Variants in DCT observed in about 807,000 individuals in gnomAD.
DCT encodes the protein L-dopachrome tautomerase.
A neutral mutation model predicts 53.0 loss-of-function variants in DCT; 47 were observed. The ratio of observed to expected loss-of-function variants is 0.89; its 90% CI spans 0.70 to 1.13. The LOEUF (loss-of-function observed/expected upper bound fraction) is 1.13, where lower values mean the gene tolerates loss of function less well. Ranked by LOEUF, DCT falls within the 50% of genes most tolerant of loss-of-function variation. The probability of loss-of-function intolerance (pLI) is 0.00; values close to 1 mark genes in which losing one functional copy is unlikely to be tolerated. For missense variants in DCT, 669 were observed against 637.4 expected (o/e 1.05, Z -0.53); for synonymous variants, 244 against 237.0 (o/e 1.03, Z -0.27).
the DCT span, among the ~76,000 whole-genome samples, chr13:94,539,521 G>A: frequency 1.4e-3 from 208 of 152,156 alleles, no homozygotes; most frequent in Admixed American, 4.0e-3. Flanking sequence ...CTAAACCTGC[G>A]CAACAAATCA....
chr13:94,481,271 C>G (rs896072156), upstream of DCT, among the ~76,000 whole-genome samples: 4 of 152,224 alleles, frequency 2.6e-5, no homozygotes, highest in Non-Finnish European at 4.4e-5. Flanking sequence ...CAGACAAAGT[C>G]ACATTCACAG....
chr13:94,484,163 T>C (rs1885564569), upstream of DCT, among the ~76,000 whole-genome samples: 1 of 152,128 alleles, frequency 6.6e-6, no homozygotes. Flanking sequence ...CATCTTTTCA[T>C]TCTTTTCATT....
chr13:94,545,175 C>T, the DCT span, among the ~76,000 whole-genome samples: 7 of 151,956 alleles, frequency 4.6e-5, no homozygotes, highest in Non-Finnish European at 7.4e-5. Context: ...GAGCACATCA[C>T]GCTTCAGATG....
intron 3 of DCT, among the ~76,000 whole-genome samples, 157 bp downstream of exon 3, chr13:94,466,401 T>C (rs1206231561): frequency 2.6e-5 from 4 of 152,104 alleles, no homozygotes; most frequent in African/African-American, 9.7e-5. Context: ...GAGATATCTC[T>C]ATGTGATGCT....
chr13:94,548,001 A>ATATATC, the DCT span, among the ~76,000 whole-genome samples: 2 of 135,646 alleles, frequency 1.5e-5, no homozygotes, highest in African/African-American at 5.8e-5. Flanking sequence ...ATATATATAT[A>ATATATC]TATCTTCTCT....
chr13:94,533,985 G>T, the DCT span, among the ~76,000 whole-genome samples: 1 of 152,024 alleles, frequency 6.6e-6, no homozygotes, highest in Admixed American at 6.6e-5. Context: ...TTTGAGTGTA[G>T]GTTGACTGAC....
At chr13:94,457,229 T>C (rs7327109) in intron 6 of DCT, among the ~76,000 whole-genome samples, 122,146 of 152,274 alleles carry the variant, frequency 0.8, 50,428 homozygotes, top group African/African-American at 0.92. Context: ...CCCCAAAATC[T>C]GTGTGTTGAA....
the DCT span, among the ~76,000 whole-genome samples, chr13:94,502,500 A>C: frequency 0.45 from 68,412 of 151,776 alleles, 16,739 homozygotes; most frequent in African/African-American, 0.63. Context: ...TTTCCATTTA[A>C]TCCTTAACTA....
chr13:94,493,174 T>C, the DCT span, among the ~76,000 whole-genome samples: 2 of 152,190 alleles, frequency 1.3e-5, no homozygotes, highest in African/African-American at 4.8e-5. Flanking sequence ...AGATGGTTTT[T>C]GATATTAGGG....
At chr13:94,508,749 T>C in the DCT span, among the ~76,000 whole-genome samples, 1 of 152,154 alleles carries the variant, frequency 6.6e-6, no homozygotes, top group South Asian at 2.1e-4. Flanking sequence ...CACAGACACA[T>C]TTTAGCTCAT....
chr13:94,510,836 G>T, the DCT span, among the ~76,000 whole-genome samples: 1 of 152,092 alleles, frequency 6.6e-6, no homozygotes, highest in Non-Finnish European at 1.5e-5. Context: ...TCCTCTCCTG[G>T]TGCTGCCTGT....
intron 6 of DCT, among the ~76,000 whole-genome samples, chr13:94,453,750 AC>A (rs1235900848): frequency 7.2e-5 from 11 of 152,180 alleles, no homozygotes; most frequent in African/African-American, 2.7e-4. Context: ...GTTTTCCTGC[AC>A]AAGTTCTCTC....
the DCT span, among the ~76,000 whole-genome samples, chr13:94,511,340 A>G: frequency 1.4e-5 from 2 of 146,062 alleles, no homozygotes; most frequent in African/African-American, 5.0e-5. Context: ...CCCTGCACCT[A>G]CATAACTTTC....
chr13:94,498,659 G>C, the DCT span, among the ~76,000 whole-genome samples: 1 of 152,224 alleles, frequency 6.6e-6, no homozygotes, highest in South Asian at 2.1e-4. Flanking sequence ...ACAGCAGCCT[G>C]AACTATGACA....
intron 6 of DCT, among the ~76,000 whole-genome samples, chr13:94,453,098 A>G (rs1883200811): frequency 6.6e-6 from 1 of 152,174 alleles, no homozygotes; most frequent in Non-Finnish European, 1.5e-5. Flanking sequence ...ATTATACATA[A>G]TAGGTGCCTT....
the DCT span, among the ~76,000 whole-genome samples, chr13:94,538,774 A>T: frequency 1.3e-5 from 2 of 152,162 alleles, no homozygotes; most frequent in Non-Finnish European, 2.9e-5. Flanking sequence ...TTTACCTGGG[A>T]TGAAGATCAT....
the DCT span, among the ~76,000 whole-genome samples, chr13:94,488,736 A>G: frequency 2.0e-5 from 1 of 49,734 alleles, no homozygotes; most frequent in Non-Finnish European, 4.8e-5. Flanking sequence ...ACACACACAC[A>G]CACACACACA....
At chr13:94,499,056 C>T in the DCT span, among the ~76,000 whole-genome samples, 1 of 152,176 alleles carries the variant, frequency 6.6e-6, no homozygotes, top group Non-Finnish European at 1.5e-5. Context: ...AGCAGTGGCA[C>T]CCCATTCGGG....
rs1287730569 is a variant in DCT, at chr13:94,438,273, A to G, written c.*1625T>C. 6.1e-6 allele frequency: 1 copy of G among 165,208 alleles called. No homozygotes were observed. The highest frequency in any genetic ancestry group is 2.4e-5 in the African/African-American group (1 of 41,822). 10.2% of individuals were successfully genotyped at this position (165,208 alleles called of 1,614,324 possible). A position where few individuals can be genotyped will look rare whatever the true frequency, so the allele number is the denominator to read the frequency against. On this transcript the variant is annotated 3_prime_UTR_variant, in exon 8 of 8. Coordinates refer to ENST00000377028, the MANE Select transcript of DCT (RefSeq NM_001922.5). ...TTCCATGAATATTGTTAATGGCAGG[A>G]ACTGAGAGGTATCCATGTGGCTGAG...
Sources: allele counts gnomAD v4.1 joint callset (sites outside exome capture counted in the v4.1 genomes callset), GRCh38; gene constraint gnomAD v4.1.1; transcripts MANE v1.5; gene names NCBI Gene and HGNC (gene_info 2026-07-23, HGNC 2026-07-21).